The following ZNF790 variants were observed in gnomAD, a reference collection of about 807,000 sequenced individuals.
ZNF790 encodes the protein zinc finger protein 790.
ZNF790 carries 8 observed loss-of-function variants against 12.1 expected under a neutral mutation model. That is an observed-to-expected ratio of 0.66 (90% CI 0.39 to 1.19). The LOEUF (loss-of-function observed/expected upper bound fraction) is 1.19. ZNF790 is among the 50% of genes most tolerant of loss of function. The pLI is 0.01. For synonymous variants in ZNF790, 252 were observed against 244.3 expected (o/e 1.03, Z -0.29); for missense variants, 707 against 752.2 (o/e 0.94, Z 0.70).
rs1215856443 is a variant in ZNF790 at position 36,817,431 on chromosome 19, C to T, written c.*1002G>A. 1 of 151,966 alleles carries T rather than the reference C, an allele frequency of 6.6e-6. No homozygotes were observed. The highest frequency in any genetic ancestry group is 6.6e-5 in the Admixed American group (1 of 15,250). The allele number at this position is 151,966 out of a possible 1,614,324, so 9.4% of individuals were successfully genotyped here. A position where few individuals can be genotyped will look rare whatever the true frequency, so the allele number is the denominator to read the frequency against. ...ATGTGAAATTAATATTCAAAGCTTTCTTCATTGTATTTTACTGATTTTTTT... is the reference window on the plus strand; with the variant it reads ...ATGTGAAATTAATATTCAAAGCTTTTTTCATTGTATTTTACTGATTTTTTT... On this transcript the variant is annotated 3_prime_UTR_variant, in exon 5 of 5. Transcript: ENST00000356725.
At chr19:36,843,002 C>CA (rs59705640), upstream of ZNF790, among the ~76,000 whole-genome samples, 13,918 of 64,988 alleles carry the variant, frequency 0.21, 1,340 homozygotes, top group Non-Finnish European at 0.31. Flanking sequence ...GACTCCATCT[C>CA]AAAAAAAAAA....
intron 1 of ZNF790, chr19:36,827,969 A>C (rs2071866313): frequency 6.6e-6 from 1 of 152,208 alleles, no homozygotes; most frequent in Non-Finnish European, 1.5e-5. Flanking sequence ...AGTTCATGAA[A>C]ATTCCATGTA....
intron 1 of ZNF790, among the ~76,000 whole-genome samples, chr19:36,848,766 C>T (rs1212319811): frequency 6.7e-6 from 1 of 148,204 alleles, no homozygotes; most frequent in Non-Finnish European, 1.5e-5. Context: ...GGGGTGGTGG[C>T]TCCAAAGCCG....
Position 36,819,725 on chromosome 19 carries a change from A to G in ZNF790, c.619T>C (p.Phe207Leu). ...FCGDKECGNT[F>L]LPDSEVIQYQ... ...TGAATAACTTCTGAATCAGGAAGAA[A>G]GGTATTCCCACATTCTTTATCTCCA... is the stretch of plus-strand genomic sequence containing the variant. The change falls in exon 5 of 5, where the codon TTT (phenylalanine) becomes CTT (leucine). Residue 207 changes from phenylalanine to leucine, a missense_variant. Transcript: ENST00000356725. The G allele has an allele frequency of 6.2e-7, 1 of 1,613,750 alleles. No homozygotes were observed. The highest frequency in any genetic ancestry group is 8.5e-7 in the Non-Finnish European group (1 of 1,179,830).
In ZNF790 at chr19:36,819,460, G is replaced by C; in HGVS notation, c.884C>G (p.Ser295Ter). Residue 295 changes from serine to a stop codon, truncating the protein, a stop_gained, in exon 5 of 5, where the codon TCA (serine) becomes TGA (stop). Transcript: ENST00000356725. LOFTEE classifies it low-confidence loss of function (END_TRUNC). The stretch of plus-strand genomic sequence containing the variant: ...AATTCTCTGATGTCGAGTAAGATCT[G>C]AGCCACAACTAAAGGCCTTCCCACA... ...KECGKAFSCG[S>*]DLTRHQRIHT... is the part of the protein sequence containing the mutation. The C allele has an allele frequency of 6.2e-7, 1 of 1,610,526 alleles. No homozygotes were observed. Among genetic ancestry groups the C allele is most frequent in the South Asian group, 1.1e-5 (1 of 90,836 alleles).
At chr19:36,849,973 C>T (rs909838006) in intron 1 of ZNF790, 1 of 152,632 alleles carries the variant, frequency 6.6e-6, no homozygotes, top group Non-Finnish European at 1.5e-5. Context: ...GTCTCACACA[C>T]ACTCGAGCCT....
chr19:36,848,454 T>C (rs539425702), intron 1 of ZNF790, among the ~76,000 whole-genome samples: 1 of 151,606 alleles, frequency 6.6e-6, no homozygotes, highest in Admixed American at 6.6e-5. Context: ...TTAGGAGACA[T>C]TGGTGGGGTA....
At chr19:36,824,857 C>T (rs1162575579) in intron 2 of ZNF790, among the ~76,000 whole-genome samples, 1 of 152,174 alleles carries the variant, frequency 6.6e-6, no homozygotes, top group African/African-American at 2.4e-5. Context: ...TTTGCTTAAG[C>T]TACTACTTTT....
chr19:36,831,047 G>T (rs1390261427), intron 1 of ZNF790, among the ~76,000 whole-genome samples: 1 of 152,092 alleles, frequency 6.6e-6, no homozygotes, highest in African/African-American at 2.4e-5. Flanking sequence ...GCTGAGGCAG[G>T]AGAATCACTT....
rs1397046971 is a variant in ZNF790 at position 36,817,671 on chromosome 19, A to AT, written c.*761_*762insA. The AT allele has an allele frequency of 6.6e-6, 1 of 152,160 alleles. No homozygotes were observed. The highest frequency in any genetic ancestry group is 1.5e-5 in the Non-Finnish European group (1 of 68,008). 9.4% of individuals were successfully genotyped at this position (152,160 alleles called of 1,614,324 possible). Reference sequence around the variant, plus strand: ...ATTTAAGATACTTTCCAAAAAAAAAAAATAGAGGCAGGATGTATTGAAACA... The same window carrying AT: ...ATTTAAGATACTTTCCAAAAAAAAAATAATAGAGGCAGGATGTATTGAAACA... On this transcript the variant is annotated 3_prime_UTR_variant, in exon 5 of 5. Transcript: ENST00000356725.
chr19:36,827,139 C>CATATATATATATAT (rs1292370504), intron 1 of ZNF790, among the ~76,000 whole-genome samples: 2 of 70,206 alleles, frequency 2.8e-5, no homozygotes, highest in African/African-American at 6.2e-5. Flanking sequence ...CACACACACA[C>CATATATATATATAT]ACATATATAT....
intron 1 of ZNF790, among the ~76,000 whole-genome samples, chr19:36,849,630 C>T (rs528085223): frequency 1.3e-5 from 2 of 151,848 alleles, no homozygotes; most frequent in South Asian, 4.2e-4. Flanking sequence ...ATGGAGCTTC[C>T]CCCCTTTAAA....
chr19:36,827,084 GTATA>G (rs200808764), intron 1 of ZNF790, among the ~76,000 whole-genome samples: 26 of 135,554 alleles, frequency 1.9e-4, no homozygotes, highest in African/African-American at 6.3e-4. Context: ...GTGTATGTGT[GTATA>G]TATGTGTGTG....
chr19:36,825,831 A>G lies in ZNF790; in HGVS notation c.-73-139T>C, dbSNP rs950384682. ...CCCTATCCAAAACCAGAGAGATTCA[A>G]CAAAAGCAGGATGAAGTTTCAGTCG... On this transcript the variant is annotated intron_variant, in intron 1 of 4. Coordinates refer to ENST00000356725, the MANE Select transcript of ZNF790 (RefSeq NM_206894.4). 24 of 617,134 alleles carry G rather than the reference A, an allele frequency of 3.9e-5. No individual in the cohort carries two copies. The Admixed American group carries it at 6.1e-4, about 16-fold the overall frequency. 38.2% of individuals were successfully genotyped at this position (617,134 alleles called of 1,614,324 possible).
intron 1 of ZNF790, among the ~76,000 whole-genome samples, chr19:36,845,951 G>A (rs1173661784): frequency 1.3e-5 from 2 of 151,984 alleles, no homozygotes; most frequent in Non-Finnish European, 2.9e-5. Context: ...TGGGATTACA[G>A]GAATGCACCA....
chr19:36,827,143 T>TATATATAC (rs1568338090), intron 1 of ZNF790, among the ~76,000 whole-genome samples: 1 of 47,098 alleles, frequency 2.1e-5, no homozygotes, highest in Non-Finnish European at 3.6e-5. Flanking sequence ...CACACACACA[T>TATATATAC]ATATATATAT....
At chr19:36,844,823 C>T (rs527454280) in intron 1 of ZNF790, among the ~76,000 whole-genome samples, 12 of 151,032 alleles carry the variant, frequency 7.9e-5, no homozygotes, top group African/African-American at 1.5e-4. Flanking sequence ...CCGAGGCGGG[C>T]GGATCACGAG....
intron 4 of ZNF790, among the ~76,000 whole-genome samples, chr19:36,821,400 T>A (rs2071668286): frequency 6.6e-6 from 1 of 152,064 alleles, no homozygotes; most frequent in Admixed American, 6.5e-5. Context: ...TTTCATATTA[T>A]AAAAAGGAAT....
chr19:36,825,492 T>C, intron 2 of ZNF790, 119 bp downstream of exon 2: 2 of 1,080,116 alleles, frequency 1.9e-6, no homozygotes, highest in Non-Finnish European at 2.9e-6. Context: ...TGTTTCACAG[T>C]CATTACTTAT....
Sources: allele counts gnomAD v4.1 joint callset (sites outside exome capture counted in the v4.1 genomes callset), GRCh38; gene constraint gnomAD v4.1.1; transcripts MANE v1.5; gene names NCBI Gene and HGNC (gene_info 2026-07-23, HGNC 2026-07-21).